ADAMTSL1: variants seen among roughly 807,000 people sequenced by gnomAD.
The protein encoded by ADAMTSL1 is ADAMTS-like protein 1.
In ADAMTSL1, 126 loss-of-function variants were observed where a neutral mutation model predicts 201.8. The observed-to-expected ratio is 0.62, with a 90% CI of 0.54 to 0.72. The LOEUF (loss-of-function observed/expected upper bound fraction) is 0.72, where lower values mean the gene tolerates loss of function less well. ADAMTSL1 is among the 30% of genes least tolerant of loss of function. ADAMTSL1 has a pLI of 0.00. For synonymous variants in ADAMTSL1, 1,121 were observed against 903.4 expected (o/e 1.24, Z -4.32); for missense variants, 2,679 against 2,277.8 (o/e 1.18, Z -3.59).
At chr9:18,019,013 T>G (rs976716045) in intron 1 of ADAMTSL1, among the ~76,000 whole-genome samples, 1 of 152,012 alleles carries the variant, frequency 6.6e-6, no homozygotes, top group African/African-American at 2.4e-5. Flanking sequence ...AACACATTAG[T>G]CATAGAATTT....
Position 18,837,259 on chromosome 9 carries a change from TTTAG to T in ADAMTSL1, c.4249+7289_4249+7292del, listed in dbSNP as rs567791456. Among the ~76,000 whole-genome samples, 51 of 152,356 alleles carry T rather than the reference TTTAG, an allele frequency of 3.3e-4. No homozygotes were observed. In the South Asian group the frequency reaches 8.9e-3, roughly 27 times the overall value. ...ATTCTAAGTTTTAAGTTAATTTATC[TTTAG>T]TTAGTTTTGTATATGATATAAGCTA... On this transcript the variant is annotated intron_variant, in intron 23 of 28. Coordinates refer to ENST00000380548, the MANE Select transcript of ADAMTSL1 (RefSeq NM_001040272.6).
intron 23 of ADAMTSL1, among the ~76,000 whole-genome samples, chr9:18,869,942 C>G (rs959047747): frequency 7.9e-5 from 12 of 151,516 alleles, no homozygotes; most frequent in Non-Finnish European, 1.8e-4. Context: ...AATTTTTTTT[C>G]AATTTTTTTC....
intron 1 of ADAMTSL1, among the ~76,000 whole-genome samples, chr9:18,488,531 C>G (rs1020649895): frequency 6.6e-6 from 1 of 152,202 alleles, no homozygotes; most frequent in Non-Finnish European, 1.5e-5. Flanking sequence ...TGGATTTCAA[C>G]CCTGGTTCCA....
At chr9:18,264,261 C>G (rs1408064385) in intron 2 of ADAMTSL1, among the ~76,000 whole-genome samples, 1 of 152,060 alleles carries the variant, frequency 6.6e-6, no homozygotes, top group Non-Finnish European at 1.5e-5. Context: ...TTGATTCTGG[C>G]TATCTCATCT....
At chr9:18,134,925 A>C (rs1005546856) in intron 1 of ADAMTSL1, among the ~76,000 whole-genome samples, 2 of 152,158 alleles carry the variant, frequency 1.3e-5, no homozygotes, top group South Asian at 4.1e-4. Context: ...CAATAACTGT[A>C]AGGGAGTCAG....
intron 1 of ADAMTSL1, among the ~76,000 whole-genome samples, chr9:17,964,458 C>A (rs973235368): frequency 6.6e-6 from 1 of 152,080 alleles, no homozygotes; most frequent in Admixed American, 6.5e-5. Flanking sequence ...GAGAAGGGAA[C>A]AGTCAGGAGG....
intron 23 of ADAMTSL1, among the ~76,000 whole-genome samples, chr9:18,852,335 C>T (rs1239204758): frequency 1.3e-5 from 2 of 152,204 alleles, no homozygotes; most frequent in Admixed American, 6.5e-5. Context: ...ATGTAAAGCA[C>T]TTAGAATGGT....
chr9:18,287,770 T>C (rs1332495065), intron 2 of ADAMTSL1, among the ~76,000 whole-genome samples: 2 of 151,876 alleles, frequency 1.3e-5, no homozygotes, highest in Non-Finnish European at 1.5e-5. Context: ...TTGGGGTGCA[T>C]ATATATAGTC....
chr9:18,614,465 C>T (rs1347614280), intron 4 of ADAMTSL1, among the ~76,000 whole-genome samples: 1 of 152,106 alleles, frequency 6.6e-6, no homozygotes, highest in Non-Finnish European at 1.5e-5. Context: ...GTGAAATAGA[C>T]ACAATTGTAG....
intron 9 of ADAMTSL1, among the ~76,000 whole-genome samples, chr9:18,673,938 A>C (rs1829977509): frequency 6.6e-6 from 1 of 152,092 alleles, no homozygotes; most frequent in African/African-American, 2.4e-5. Flanking sequence ...TAGAAAAAAA[A>C]ATTCCCTTTA....
At chr9:18,719,838 A>G (rs1329475192) in intron 14 of ADAMTSL1, among the ~76,000 whole-genome samples, 1 of 152,198 alleles carries the variant, frequency 6.6e-6, no homozygotes, top group Non-Finnish European at 1.5e-5. Context: ...TCTTGGAGAA[A>G]CACAGCATAC....
At chr9:18,867,861 C>T (rs1827641045) in intron 23 of ADAMTSL1, among the ~76,000 whole-genome samples, 3 of 152,012 alleles carry the variant, frequency 2.0e-5, no homozygotes, top group South Asian at 2.1e-4. Context: ...CTCCTGACCT[C>T]GTGATCCACC....
At chr9:18,654,628 A>C (rs979849212) in intron 7 of ADAMTSL1, among the ~76,000 whole-genome samples, 4 of 152,242 alleles carry the variant, frequency 2.6e-5, no homozygotes, top group African/African-American at 9.6e-5. Context: ...AACTGCTATA[A>C]GGAAGATTTT....
chr9:18,472,894 A>T (rs944042835), upstream of ADAMTSL1, among the ~76,000 whole-genome samples: 1 of 152,226 alleles, frequency 6.6e-6, no homozygotes, highest in Non-Finnish European at 1.5e-5. Flanking sequence ...TCCTTTGCAG[A>T]TAAGGGGAAA....
intron 2 of ADAMTSL1, among the ~76,000 whole-genome samples, chr9:18,242,606 T>TA (rs1336158453): frequency 5.9e-5 from 9 of 152,198 alleles, no homozygotes; most frequent in East Asian, 1.9e-4. Context: ...TATTACATGT[T>TA]AAAAAAACTC....
intron 2 of ADAMTSL1, among the ~76,000 whole-genome samples, chr9:18,277,771 T>G (rs1345445907): frequency 5.9e-5 from 9 of 152,306 alleles, no homozygotes; most frequent in Admixed American, 5.9e-4. Context: ...ATTTACAATT[T>G]AAATAATTGC....
Position 18,822,498 on chromosome 9 carries a change from G to C in ADAMTSL1, c.3935-3786G>C, listed in dbSNP as rs187530066. ...ATGGCAGGCGGTGTACACTTGTTAA[G>C]ATGGGGACTGTTGGCATTAAAGGTA... is the stretch of plus-strand genomic sequence containing the variant. On this transcript the variant is annotated intron_variant, in intron 21 of 28. Transcript: ENST00000380548. 2.0e-4 allele frequency among the ~76,000 whole-genome samples: 31 copies of C among 152,318 alleles called. No individual in the cohort carries two copies. The East Asian group carries it at 6.0e-3, about 29-fold the overall frequency.
chr9:18,703,701 C>CATACATATATATAT (rs1295764808), intron 13 of ADAMTSL1, among the ~76,000 whole-genome samples: 11 of 78,820 alleles, frequency 1.4e-4, no homozygotes, highest in South Asian at 4.5e-4. Flanking sequence ...TGCGCACATA[C>CATACATATATATAT]ATATATATAT....
At chr9:18,662,195 G>A in intron 9 of ADAMTSL1, 122 bp downstream of exon 9, 2 of 1,310,648 alleles carry the variant, frequency 1.5e-6, no homozygotes, top group Admixed American at 2.2e-5. Context: ...TAGTGTTGCT[G>A]TCCAGTGTTC....
Sources: allele counts gnomAD v4.1 joint callset (sites outside exome capture counted in the v4.1 genomes callset), GRCh38; gene constraint gnomAD v4.1.1; transcripts MANE v1.5; gene names NCBI Gene and HGNC (gene_info 2026-07-23, HGNC 2026-07-21).